The following ELMO1 variants were observed in gnomAD, a reference collection of about 807,000 sequenced individuals.
The protein encoded by ELMO1 is engulfment and cell motility protein 1.
A neutral mutation model predicts 98.9 loss-of-function variants in ELMO1; 26 were observed. That is an observed-to-expected ratio of 0.26 (90% CI 0.19 to 0.36). ELMO1 has a LOEUF of 0.36. ELMO1 is among the 10% of genes least tolerant of loss of function. The pLI is 1.00. For missense variants in ELMO1, 627 were observed against 935.2 expected (o/e 0.67, Z 4.30); for synonymous variants, 346 against 346.0 (o/e 1.00, Z 0.00).
rs1804275418 is a variant in ELMO1, at chr7:37,417,523, G to C, written c.-74+31152C>G. 2.6e-5 allele frequency among the ~76,000 whole-genome samples: 4 copies of C among 152,284 alleles called. No homozygotes were observed. In the South Asian group the frequency reaches 8.3e-4, roughly 32 times the overall value. ...AAAATACAAAAACAAAATTAGCTGG[G>C]CATGGTGGTGGGCGCTTGTAGTCCC... On this transcript the variant is annotated intron_variant, in intron 1 of 21. Coordinates refer to ENST00000310758, the MANE Select transcript of ELMO1 (RefSeq NM_014800.11).
intron 13 of ELMO1, among the ~76,000 whole-genome samples, chr7:37,169,400 G>T (rs568068973): frequency 2.0e-4 from 30 of 152,336 alleles, no homozygotes; most frequent in African/African-American, 5.8e-4. Flanking sequence ...CGGTACCTCA[G>T]ATGGAAATGC....
intron 13 of ELMO1, among the ~76,000 whole-genome samples, chr7:37,140,194 T>A (rs1313210503): frequency 2.0e-5 from 3 of 148,776 alleles, no homozygotes; most frequent in Non-Finnish European, 3.0e-5. Flanking sequence ...GCTAACATGA[T>A]GAAACCCCAC....
intron 15 of ELMO1, among the ~76,000 whole-genome samples, chr7:37,070,883 G>A (rs1413050653): frequency 6.6e-6 from 1 of 152,154 alleles, no homozygotes; most frequent in African/African-American, 2.4e-5. Flanking sequence ...TCTCATCAAG[G>A]AATCAGTGCA....
intron 16 of ELMO1, among the ~76,000 whole-genome samples, chr7:36,934,844 C>T (rs144653772): frequency 6.6e-6 from 1 of 152,122 alleles, no homozygotes; most frequent in Non-Finnish European, 1.5e-5. Flanking sequence ...AGCCAATGAC[C>T]CAGGTTGTCC....
At position 37,222,502 on chromosome 7, in the gene ELMO1, T is replaced by C. The variant is rs996129800; in HGVS notation, c.780+113A>G. ...ATAGCTGCTCTGGAGAGTCCATCTG[T>C]GGCCAGGATAGCAGAGAGGCCCAAT... is the stretch of plus-strand genomic sequence containing the variant. On this transcript the variant is annotated intron_variant, in intron 10 of 21. Coordinates refer to ENST00000310758, the MANE Select transcript of ELMO1 (RefSeq NM_014800.11). 7.8e-6 allele frequency: 8 copies of C among 1,030,362 alleles called. No individual in the cohort carries two copies. In the Admixed American group the frequency reaches 1.7e-4, roughly 22 times the overall value. The allele number at this position is 1,030,362 out of a possible 1,614,324, so 63.8% of individuals were successfully genotyped here.
intron 4 of ELMO1, among the ~76,000 whole-genome samples, chr7:37,301,449 T>C (rs777590612): frequency 3.1e-4 from 47 of 152,288 alleles, no homozygotes; most frequent in Non-Finnish European, 5.9e-4. Flanking sequence ...TTTTGTAGTA[T>C]TTCTCCCCCA....
rs191109566 is a variant in ELMO1 at position 37,239,830 on chromosome 7, C to T, written c.449+4526G>A. Among the ~76,000 whole-genome samples, 30 of 152,318 alleles carry T rather than the reference C, an allele frequency of 2.0e-4. No homozygotes were observed. The East Asian group carries it at 4.6e-3, about 24-fold the overall frequency. ...CTGGTATCCCCACCATGTTCAATAACTAAATGCTGCCTTTGGAGAGTACTG... is the reference window on the plus strand; with the variant it reads ...CTGGTATCCCCACCATGTTCAATAATTAAATGCTGCCTTTGGAGAGTACTG... On this transcript the variant is annotated intron_variant, in intron 7 of 21. Transcript: ENST00000310758.
intron 4 of ELMO1, among the ~76,000 whole-genome samples, chr7:37,292,795 G>T (rs1252950179): frequency 9.6e-6 from 1 of 103,680 alleles, no homozygotes; most frequent in Non-Finnish European, 2.2e-5. Flanking sequence ...GAGGTGGGGG[G>T]GTCAGCCCCC....
intron 1 of ELMO1, among the ~76,000 whole-genome samples, chr7:37,415,647 G>C (rs1254833451): frequency 2.0e-5 from 3 of 152,200 alleles, no homozygotes; most frequent in Non-Finnish European, 4.4e-5. Flanking sequence ...GATGTTTCTT[G>C]CTGTGATTGT....
intron 13 of ELMO1, among the ~76,000 whole-genome samples, chr7:37,138,155 A>G (rs935409976): frequency 2.0e-5 from 3 of 152,160 alleles, no homozygotes; most frequent in African/African-American, 7.2e-5. Flanking sequence ...GGACCTGGAG[A>G]AACAAGAACA....
At chr7:37,051,970 G>A (rs1796132872) in intron 15 of ELMO1, among the ~76,000 whole-genome samples, 1 of 152,196 alleles carries the variant, frequency 6.6e-6, no homozygotes, top group African/African-American at 2.4e-5. Context: ...TAGGGCAGAG[G>A]TCATTAAACA....
intron 19 of ELMO1, among the ~76,000 whole-genome samples, chr7:36,876,076 AGCT>A (rs1176750694): frequency 2.0e-5 from 3 of 152,164 alleles, no homozygotes; most frequent in Non-Finnish European, 4.4e-5. Flanking sequence ...CCTCCTAGGG[AGCT>A]GCTATTTGCT....
chr7:37,358,627 T>TA (rs1801584049), intron 1 of ELMO1, among the ~76,000 whole-genome samples: 1 of 152,148 alleles, frequency 6.6e-6, no homozygotes, highest in African/African-American at 2.4e-5. Flanking sequence ...ACTGGACACC[T>TA]AAAAAATCTT....
At chr7:37,229,038 C>T (rs551318894) in intron 8 of ELMO1, among the ~76,000 whole-genome samples, 1 of 152,180 alleles carries the variant, frequency 6.6e-6, no homozygotes, top group South Asian at 2.1e-4. Flanking sequence ...CATGAAGCTC[C>T]ACTCCTGTAT....
chr7:37,400,958 G>A (rs1055992390), intron 1 of ELMO1, among the ~76,000 whole-genome samples: 1 of 152,182 alleles, frequency 6.6e-6, no homozygotes, highest in African/African-American at 2.4e-5. Flanking sequence ...TAATAGCCTT[G>A]TCTCATCTTG....
chr7:37,136,056 A>G (rs1787243080), intron 13 of ELMO1, among the ~76,000 whole-genome samples: 1 of 152,210 alleles, frequency 6.6e-6, no homozygotes, highest in Non-Finnish European at 1.5e-5. Flanking sequence ...AACCAAGGAC[A>G]CACTTAGAGA....
rs1485841065 is a variant in ELMO1, at chr7:36,869,518, C to T, written c.1905+875G>A. ...TTGGTGTCCCTCTTAGATACTGACA[C>T]TGGAAATAAAGATGCAACCTATTGA... is the stretch of plus-strand genomic sequence containing the variant. On this transcript the variant is annotated intron_variant, in intron 20 of 21. Coordinates refer to ENST00000310758, the MANE Select transcript of ELMO1 (RefSeq NM_014800.11). Among the ~76,000 whole-genome samples the T allele has an allele frequency of 2.6e-5, 4 of 152,156 alleles. No individual in the cohort carries two copies. The South Asian group carries it at 8.3e-4, about 32-fold the overall frequency.
chr7:36,888,040 T>C (rs1805191332), intron 17 of ELMO1, among the ~76,000 whole-genome samples: 1 of 152,216 alleles, frequency 6.6e-6, no homozygotes, highest in South Asian at 2.1e-4. Flanking sequence ...TTTTTTCCCC[T>C]GTACCAGCTA....
At chr7:37,152,989 G>T (rs1293974545) in intron 13 of ELMO1, among the ~76,000 whole-genome samples, 1 of 152,110 alleles carries the variant, frequency 6.6e-6, no homozygotes, top group African/African-American at 2.4e-5. Flanking sequence ...GGACACACGT[G>T]GGGAAGGATC....
Sources: gnomAD v4.1 joint callset for allele counts (sites outside exome capture counted in the v4.1 genomes callset) on GRCh38, gnomAD v4.1.1 for gene constraint, MANE v1.5 for transcripts, NCBI Gene and HGNC (gene_info 2026-07-23, HGNC 2026-07-21) for gene names.